ZCCHC17: variants seen among roughly 807,000 people sequenced by gnomAD.
The protein encoded by ZCCHC17 is zinc finger CCHC-type containing 17, also known as zinc finger CCHC domain-containing protein 17.
Under a neutral mutation model 30.6 loss-of-function variants are expected in ZCCHC17, and 18 were observed. The ratio of observed to expected loss-of-function variants is 0.59; its 90% CI spans 0.41 to 0.87. The LOEUF is 0.87. Ranked by LOEUF, ZCCHC17 falls within the 40% of genes least tolerant of loss-of-function variation. ZCCHC17 has a pLI of 0.00. For synonymous variants in ZCCHC17, 88 were observed against 92.4 expected, an observed-to-expected ratio of 0.95 and a Z score of 0.27; for missense variants, 263 against 284.2, an observed-to-expected ratio of 0.93 and a Z score of 0.54.
At chr1:31,363,427 C>T (rs1395639672) in intron 7 of ZCCHC17, among the ~76,000 whole-genome samples, 2 of 152,154 alleles carry the variant, frequency 1.3e-5, no homozygotes, top group Non-Finnish European at 2.9e-5. Context: ...TCGTGATCCA[C>T]CTGCCTCGGC....
intron 1 of ZCCHC17, among the ~76,000 whole-genome samples, chr1:31,301,422 A>G (rs2148402243): frequency 6.6e-6 from 1 of 152,340 alleles, no homozygotes; most frequent in Admixed American, 6.5e-5. Flanking sequence ...TAAAATGGCA[A>G]TGATAATTGC....
At chr1:31,353,703 A>T (rs2148475572) in intron 7 of ZCCHC17, among the ~76,000 whole-genome samples, 1 of 152,280 alleles carries the variant, frequency 6.6e-6, no homozygotes, top group East Asian at 1.9e-4. Context: ...CTTTGCATGT[A>T]GATCTCTAGT....
chr1:31,313,976 G>A (rs1646668415), intron 2 of ZCCHC17, among the ~76,000 whole-genome samples: 1 of 151,632 alleles, frequency 6.6e-6, no homozygotes, highest in South Asian at 2.1e-4. Context: ...TGATTCTCCT[G>A]CCTAAGCCTC....
At chr1:31,360,021 C>T (rs1307868298) in intron 7 of ZCCHC17, among the ~76,000 whole-genome samples, 1 of 151,874 alleles carries the variant, frequency 6.6e-6, no homozygotes, top group Non-Finnish European at 1.5e-5. Context: ...CATCTTGTTG[C>T]CCAGGCTGGA....
chr1:31,357,448 A>G (rs1485862418), intron 7 of ZCCHC17, among the ~76,000 whole-genome samples: 1 of 152,070 alleles, frequency 6.6e-6, no homozygotes, highest in African/African-American at 2.4e-5. Context: ...CTTCCCACAC[A>G]CTATACTCCA....
At chr1:31,314,744 C>T (rs1280263177) in intron 2 of ZCCHC17, among the ~76,000 whole-genome samples, 2 of 152,138 alleles carry the variant, frequency 1.3e-5, no homozygotes, top group African/African-American at 2.4e-5. Context: ...CTCTGTCGCT[C>T]AGGCTGGAGT....
Position 31,297,036 on chromosome 1 carries a change from A to G in ZCCHC17, c.-95A>G, listed in dbSNP as rs990634170. On this transcript the variant is annotated 5_prime_UTR_variant, in exon 1 of 8. Coordinates refer to ENST00000344147, the MANE Select transcript of ZCCHC17 (RefSeq NM_016505.4). Reference sequence around the variant, plus strand: ...CGCTGGCTGACTGGGGTCGGCGTTTAGTTCAGCGCAGCGACTCGGGGACCT... The same window carrying G: ...CGCTGGCTGACTGGGGTCGGCGTTTGGTTCAGCGCAGCGACTCGGGGACCT... The G allele has an allele frequency of 2.2e-6, 1 of 455,594 alleles. No individual in the cohort carries two copies. 28.2% of individuals were successfully genotyped at this position (455,594 alleles called of 1,614,324 possible). A position where few individuals can be genotyped will look rare whatever the true frequency, so the allele number is the denominator to read the frequency against.
chr1:31,334,663 A>C (rs191837930), intron 3 of ZCCHC17, among the ~76,000 whole-genome samples: 118 of 152,172 alleles, frequency 7.8e-4, no homozygotes, highest in African/African-American at 2.7e-3. Flanking sequence ...ATACTGTATA[A>C]TTTTGCATTA....
intron 1 of ZCCHC17, among the ~76,000 whole-genome samples, chr1:31,302,722 A>G (rs1646348325): frequency 6.6e-6 from 1 of 152,124 alleles, no homozygotes; most frequent in Non-Finnish European, 1.5e-5. Context: ...CAGAAGGTGA[A>G]GGGGAAGCAA....
intron 3 of ZCCHC17, among the ~76,000 whole-genome samples, chr1:31,323,160 G>A (rs919732739): frequency 2.0e-5 from 3 of 152,140 alleles, no homozygotes; most frequent in African/African-American, 4.8e-5. Flanking sequence ...TAGTCCAAGC[G>A]TTTTAGGAAC....
intron 5 of ZCCHC17, among the ~76,000 whole-genome samples, chr1:31,345,671 A>G (rs1387620659): frequency 7.9e-6 from 1 of 126,392 alleles, no homozygotes; most frequent in Non-Finnish European, 1.7e-5. Context: ...CACTGCCTGT[A>G]TAGGAGGCAT....
intron 7 of ZCCHC17, among the ~76,000 whole-genome samples, chr1:31,349,656 TACAG>T (rs1314915912): frequency 1.3e-5 from 2 of 152,272 alleles, no homozygotes; most frequent in East Asian, 3.9e-4. Flanking sequence ...TAATAATAAA[TACAG>T]ATATATATAG....
intron 5 of ZCCHC17, among the ~76,000 whole-genome samples, chr1:31,346,025 A>G (rs1388389215): frequency 6.6e-6 from 1 of 152,218 alleles, no homozygotes; most frequent in Non-Finnish European, 1.5e-5. Context: ...GAAATGCAAC[A>G]AAGAGATTAA....
At chr1:31,314,886 C>T (rs1194628144) in intron 2 of ZCCHC17, among the ~76,000 whole-genome samples, 2 of 152,078 alleles carry the variant, frequency 1.3e-5, no homozygotes, top group Non-Finnish European at 2.9e-5. Context: ...AGGCTGGTCT[C>T]GAACTCCTGA....
chr1:31,337,313 T>A (rs761225802), intron 4 of ZCCHC17, 38 bp downstream of exon 4: 54 of 1,566,236 alleles, frequency 3.4e-5, no homozygotes, highest in Non-Finnish European at 4.6e-5. Flanking sequence ...TTAGAAAGGA[T>A]TAGGAAGAGC....
intron 1 of ZCCHC17, among the ~76,000 whole-genome samples, chr1:31,309,515 A>G (rs1431246192): frequency 1.3e-5 from 2 of 151,944 alleles, no homozygotes; most frequent in South Asian, 2.1e-4. Context: ...GGATTTCGCT[A>G]TGTTGGCCAG....
intron 7 of ZCCHC17, among the ~76,000 whole-genome samples, chr1:31,358,225 A>G (rs1639722934): frequency 6.6e-6 from 1 of 152,216 alleles, no homozygotes; most frequent in Non-Finnish European, 1.5e-5. Context: ...GCTACAGTGA[A>G]ATGAATGAAA....
intron 7 of ZCCHC17, among the ~76,000 whole-genome samples, chr1:31,362,061 T>G (rs942358922): frequency 3.3e-5 from 5 of 152,148 alleles, no homozygotes; most frequent in African/African-American, 1.2e-4. Flanking sequence ...CCACCTGCCT[T>G]GGCCTCCCAG....
chr1:31,327,352 A>G (rs1638395496), intron 3 of ZCCHC17, among the ~76,000 whole-genome samples: 1 of 152,246 alleles, frequency 6.6e-6, no homozygotes, highest in Non-Finnish European at 1.5e-5. Flanking sequence ...CAGGGGTTCC[A>G]TGACCACCTA....
Sources: gnomAD v4.1 joint callset for allele counts (sites outside exome capture counted in the v4.1 genomes callset) on GRCh38, gnomAD v4.1.1 for gene constraint, MANE v1.5 for transcripts, NCBI Gene and HGNC (gene_info 2026-07-23, HGNC 2026-07-21) for gene names.